The following KNTC1 variants were observed in gnomAD, a reference collection of about 807,000 sequenced individuals.
KNTC1 encodes the protein kinetochore-associated protein 1.
A neutral mutation model predicts 314.4 loss-of-function variants in KNTC1; 253 were observed. The observed-to-expected ratio is 0.80, with a 90% CI of 0.73 to 0.89. The LOEUF (loss-of-function observed/expected upper bound fraction) is 0.89. Ranked by LOEUF, KNTC1 falls within the 40% of genes least tolerant of loss-of-function variation. The pLI is 0.00. For missense variants in KNTC1, 2,475 were observed against 2,572.9 expected (o/e 0.96, Z 0.82); for synonymous variants, 901 against 901.4 (o/e 1.00, Z 0.01).
intron 2 of KNTC1, among the ~76,000 whole-genome samples, chr12:122,534,079 A>G (rs1961594687): frequency 6.6e-6 from 1 of 152,234 alleles, no homozygotes; most frequent in Non-Finnish European, 1.5e-5. Context: ...GAAACTGAAT[A>G]CTGGAGACTC....
In KNTC1 at chr12:122,626,390, T is replaced by C. The variant is rs1875054517; in HGVS notation, c.*162T>C. On this transcript the variant is annotated 3_prime_UTR_variant, in exon 64 of 64. Coordinates refer to ENST00000333479, the MANE Select transcript of KNTC1 (RefSeq NM_014708.6). ...AAACAATATGAGCATAATTGCCCCATAAAGAACTCATGTCCTGAATTAATA... is the reference window on the plus strand; with the variant it reads ...AAACAATATGAGCATAATTGCCCCACAAAGAACTCATGTCCTGAATTAATA... The C allele has an allele frequency of 1.7e-6, 1 of 599,474 alleles. No individual in the cohort carries two copies. Among genetic ancestry groups the C allele is most frequent in the Non-Finnish European group, 2.9e-6 (1 of 339,928 alleles). The allele number at this position is 599,474 out of a possible 1,614,324, so 37.1% of individuals were successfully genotyped here. A position where few individuals can be genotyped will look rare whatever the true frequency, so the allele number is the denominator to read the frequency against.
intron 40 of KNTC1, among the ~76,000 whole-genome samples, chr12:122,589,170 C>T (rs1219029859): frequency 2.0e-5 from 3 of 152,008 alleles, no homozygotes; most frequent in Non-Finnish European, 4.4e-5. Flanking sequence ...TAGTTATCCT[C>T]CTGCCTCAGC....
At chr12:122,538,505 C>T (rs1005735944) in intron 4 of KNTC1, 51 bp downstream of exon 4, 7 of 1,005,978 alleles carry the variant, frequency 7.0e-6, no homozygotes, top group African/African-American at 1.6e-5. Flanking sequence ...TAAATAATCT[C>T]TTAGACAACT....
rs59608735 is a variant in KNTC1, at chr12:122,562,589, T to C, written c.1543-49T>C. The C allele has an allele frequency of 1.5e-3, 1,654 of 1,092,228 alleles. 19 individuals are homozygous for C. In the African/African-American group the frequency reaches 0.023, roughly 15 times the overall value. 67.7% of individuals were successfully genotyped at this position (1,092,228 alleles called of 1,614,324 possible). On this transcript the variant is annotated intron_variant, in intron 19 of 63. Transcript: ENST00000333479. ...ATGATTCATTTTTAATGTTTTAATT[T>C]CAATATTGTTGCATATAAATTCAGA...
At chr12:122,581,964 C>T (rs1868465656) in intron 33 of KNTC1, among the ~76,000 whole-genome samples, 1 of 152,178 alleles carries the variant, frequency 6.6e-6, no homozygotes, top group African/African-American at 2.4e-5. Flanking sequence ...AATAACTCCC[C>T]TTTCCTCTCT....
chr12:122,591,068 T>C (rs1870120447), intron 41 of KNTC1, among the ~76,000 whole-genome samples: 1 of 152,134 alleles, frequency 6.6e-6, no homozygotes, highest in Admixed American at 6.6e-5. Flanking sequence ...AAAATTTCTC[T>C]TGGATATTGT....
intron 52 of KNTC1, among the ~76,000 whole-genome samples, 171 bp downstream of exon 52, chr12:122,609,601 A>G (rs981199484): frequency 4.6e-5 from 7 of 151,958 alleles, no homozygotes; most frequent in African/African-American, 1.5e-4. Flanking sequence ...GCAGTGGAAA[A>G]CATCAGAGCC....
At chr12:122,599,249 A>G (rs1466402770) in intron 44 of KNTC1, among the ~76,000 whole-genome samples, 2 of 151,950 alleles carry the variant, frequency 1.3e-5, no homozygotes. Context: ...TACAGGGACT[A>G]CACCTGGCTT....
intron 2 of KNTC1, 28 bp downstream of exon 2, chr12:122,530,220 T>C: frequency 6.2e-7 from 1 of 1,604,006 alleles, no homozygotes; most frequent in East Asian, 2.2e-5. Flanking sequence ...GACTGTTTCA[T>C]TCACAGAATT....
Position 122,579,892 on chromosome 12 carries a change from T to G in KNTC1, c.2842-13T>G, listed in dbSNP as rs1176643838. 2 of 1,585,326 alleles carry G rather than the reference T, an allele frequency of 1.3e-6. No individual in the cohort carries two copies. Among genetic ancestry groups the G allele is most frequent in the African/African-American group, 2.7e-5 (2 of 74,444 alleles). ...GAAGTAGATTTTATTTCGCTTTATTTATTTATTTTTAGGGCAAGGCCTGGA... is the reference window on the plus strand; with the variant it reads ...GAAGTAGATTTTATTTCGCTTTATTGATTTATTTTTAGGGCAAGGCCTGGA... On this transcript the variant is annotated splice_polypyrimidine_tract_variant and intron_variant, in intron 31 of 63. Transcript: ENST00000333479.
At chr12:122,558,487 G>A (rs1304314567) in intron 18 of KNTC1, among the ~76,000 whole-genome samples, 1 of 152,050 alleles carries the variant, frequency 6.6e-6, no homozygotes, top group Non-Finnish European at 1.5e-5. Context: ...GGGAGGCGGA[G>A]GTTGCAGTGA....
At chr12:122,599,509 G>A (rs1005710876) in intron 44 of KNTC1, among the ~76,000 whole-genome samples, 1 of 151,802 alleles carries the variant, frequency 6.6e-6, no homozygotes, top group Non-Finnish European at 1.5e-5. Context: ...GCGCCACCAC[G>A]TCCAGCTAAT....
rs369999171 is a variant in KNTC1 at position 122,621,943 on chromosome 12, G to C, written c.6342G>C (p.Thr2114=). 6.2e-6 allele frequency: 10 copies of C among 1,608,402 alleles called. No homozygotes were observed. The East Asian group carries it at 2.2e-4, about 36-fold the overall frequency. Residue 2114 remains threonine (T), a synonymous_variant, in exon 61 of 64, where the codon ACG becomes ACC. Transcript: ENST00000333479. ...AGCAATTGGAAGAGCATATGAACAC[G>C]GGCCAGCTAGCAGGATTTTCACATC... ...ILKQLEEHMN[T]GQLAGFSHQI...
intron 44 of KNTC1, among the ~76,000 whole-genome samples, chr12:122,599,208 C>T (rs976744399): frequency 2.0e-5 from 3 of 151,894 alleles, no homozygotes; most frequent in Admixed American, 6.6e-5. Flanking sequence ...CTCAAGTGAT[C>T]GTCCTGTTCA....
chr12:122,554,051 C>T (rs1963384361), intron 16 of KNTC1, among the ~76,000 whole-genome samples: 1 of 126,356 alleles, frequency 7.9e-6, no homozygotes, highest in African/African-American at 3.3e-5. Flanking sequence ...TTTAAACATA[C>T]AGAATACTTC....
chr12:122,554,121 G>A (rs1276264323), intron 16 of KNTC1, among the ~76,000 whole-genome samples: 6 of 143,564 alleles, frequency 4.2e-5, no homozygotes, highest in African/African-American at 1.6e-4. Flanking sequence ...TGTAGAGGCG[G>A]GGTTTCACCA....
intron 25 of KNTC1, 41 bp from the exon 26 acceptor site, chr12:122,573,101 G>A (rs770124604): frequency 6.8e-6 from 11 of 1,613,544 alleles, no homozygotes; most frequent in South Asian, 2.2e-5. Context: ...TCAAGTTATG[G>A]GTAGAGTCTG....
intron 4 of KNTC1, 74 bp from the exon 5 acceptor site, chr12:122,539,602 G>C: frequency 9.8e-7 from 1 of 1,019,244 alleles, no homozygotes; most frequent in Non-Finnish European, 1.5e-6. Context: ...GATAACTCTA[G>C]AGTTTAAAGA....
At chr12:122,542,781 A>G (rs1263728335) in intron 6 of KNTC1, among the ~76,000 whole-genome samples, 4 of 152,150 alleles carry the variant, frequency 2.6e-5, no homozygotes, top group Non-Finnish European at 5.9e-5. Context: ...AAAAATATAT[A>G]GTGCAGAACA....
Sources: allele counts gnomAD v4.1 joint callset (sites outside exome capture counted in the v4.1 genomes callset), GRCh38; gene constraint gnomAD v4.1.1; transcripts MANE v1.5; gene names NCBI Gene and HGNC (gene_info 2026-07-23, HGNC 2026-07-21).